GPC5: variants seen among roughly 807,000 people sequenced by gnomAD.
The protein encoded by GPC5 is glypican-5.
Under a neutral mutation model 53.9 loss-of-function variants are expected in GPC5, and 47 were observed. That is an observed-to-expected ratio of 0.87 (90% CI 0.69 to 1.11). The LOEUF is 1.11. Ranked by LOEUF, GPC5 falls within the 50% of genes most tolerant of loss-of-function variation. The pLI is 0.00. For synonymous variants in GPC5, 286 were observed against 263.3 expected, an observed-to-expected ratio of 1.09 and a Z score of -0.84; for missense variants, 748 against 713.1, an observed-to-expected ratio of 1.05 and a Z score of -0.56.
chr13:91,646,349 T>A (rs911555044), intron 2 of GPC5, among the ~76,000 whole-genome samples: 3 of 152,068 alleles, frequency 2.0e-5, no homozygotes, highest in Admixed American at 1.3e-4. Flanking sequence ...TAAGGAAATG[T>A]GTTTTTACTG....
intron 7 of GPC5, among the ~76,000 whole-genome samples, chr13:92,204,410 A>G (rs1360114504): frequency 1.3e-5 from 2 of 152,214 alleles, no homozygotes; most frequent in South Asian, 4.1e-4. Flanking sequence ...ATATTGATTA[A>G]TGTTTGCCAA....
At chr13:92,815,316 C>T (rs1420268486) in intron 7 of GPC5, among the ~76,000 whole-genome samples, 2 of 151,962 alleles carry the variant, frequency 1.3e-5, no homozygotes, top group African/African-American at 4.8e-5. Flanking sequence ...CAATGAAGTT[C>T]CCACTTCATT....
intron 7 of GPC5, among the ~76,000 whole-genome samples, chr13:92,354,378 C>T (rs547942603): frequency 6.6e-6 from 1 of 152,260 alleles, no homozygotes; most frequent in East Asian, 1.9e-4. Flanking sequence ...AGTTTTGCTC[C>T]TTTTCCCATG....
chr13:91,956,382 G>A (rs1488821875), intron 6 of GPC5, among the ~76,000 whole-genome samples: 1 of 151,940 alleles, frequency 6.6e-6, no homozygotes, highest in African/African-American at 2.4e-5. Context: ...ACACCAATAA[G>A]GACCTCTTGG....
intron 7 of GPC5, among the ~76,000 whole-genome samples, chr13:92,737,068 G>A (rs1272403641): frequency 6.6e-6 from 1 of 151,816 alleles, no homozygotes; most frequent in Non-Finnish European, 1.5e-5. Context: ...TACTTCCAAA[G>A]CAATAGTATG....
intron 4 of GPC5, among the ~76,000 whole-genome samples, chr13:91,753,094 G>T (rs2140115740): frequency 6.6e-6 from 1 of 152,292 alleles, no homozygotes; most frequent in Admixed American, 6.5e-5. Context: ...TAAAGCCACT[G>T]CTCTATGATT....
intron 2 of GPC5, among the ~76,000 whole-genome samples, chr13:91,592,893 G>A (rs1350419873): frequency 6.6e-6 from 1 of 152,220 alleles, no homozygotes; most frequent in Admixed American, 6.5e-5. Context: ...AGTCCCATGG[G>A]GAAGTAAGTC....
chr13:92,313,676 C>G (rs180742078), intron 7 of GPC5, among the ~76,000 whole-genome samples: 24 of 152,088 alleles, frequency 1.6e-4, no homozygotes, highest in African/African-American at 5.6e-4. Flanking sequence ...GTTGGATGAG[C>G]CTCCCAACCA....
At chr13:92,365,540 C>T (rs1458535785) in intron 7 of GPC5, among the ~76,000 whole-genome samples, 1 of 151,608 alleles carries the variant, frequency 6.6e-6, no homozygotes, top group African/African-American at 2.4e-5. Context: ...ATTTTTAAAA[C>T]TTTTTGACTC....
chr13:92,288,297 T>C (rs189342140), intron 7 of GPC5, among the ~76,000 whole-genome samples: 1 of 152,334 alleles, frequency 6.6e-6, no homozygotes, highest in African/African-American at 2.4e-5. Flanking sequence ...TTTTTGTGAA[T>C]GAATGTTTCT....
intron 7 of GPC5, among the ~76,000 whole-genome samples, chr13:92,709,077 C>T (rs1412183588): frequency 2.7e-5 from 4 of 149,512 alleles, no homozygotes; most frequent in African/African-American, 7.4e-5. Context: ...GACAGTGTTT[C>T]GCTCTTGTTG....
At chr13:92,182,198 C>G (rs1298183986) in intron 7 of GPC5, among the ~76,000 whole-genome samples, 1 of 152,262 alleles carries the variant, frequency 6.6e-6, no homozygotes, top group South Asian at 2.1e-4. Context: ...AGGTTTACCT[C>G]CCTGATTATT....
intron 6 of GPC5, among the ~76,000 whole-genome samples, chr13:91,930,709 A>T (rs2039813687): frequency 6.6e-6 from 1 of 152,002 alleles, no homozygotes. Context: ...ACCCTTTCCA[A>T]AACCCCAGCA....
intron 7 of GPC5, among the ~76,000 whole-genome samples, chr13:92,228,290 A>G (rs912594907): frequency 6.6e-6 from 1 of 152,118 alleles, no homozygotes; most frequent in African/African-American, 2.4e-5. Context: ...TGAAACCAAT[A>G]CTTATATAAA....
chr13:91,433,015 G>A (rs1879618385), intron 1 of GPC5, among the ~76,000 whole-genome samples: 1 of 152,130 alleles, frequency 6.6e-6, no homozygotes, highest in Non-Finnish European at 1.5e-5. Context: ...TACTGTGGTA[G>A]TCACTTGGAA....
intron 7 of GPC5, among the ~76,000 whole-genome samples, chr13:92,186,218 T>C (rs1439098752): frequency 6.6e-6 from 1 of 151,950 alleles, no homozygotes; most frequent in Non-Finnish European, 1.5e-5. Context: ...TAATTTTTAA[T>C]AATTTTTAAC....
At chr13:91,408,980 T>C (rs1304635904) in intron 1 of GPC5, among the ~76,000 whole-genome samples, 4 of 152,210 alleles carry the variant, frequency 2.6e-5, no homozygotes, top group Non-Finnish European at 4.4e-5. Context: ...ACCAAGAGTG[T>C]GTCTTCATTG....
chr13:92,264,553 C>T (rs149991604), intron 7 of GPC5, among the ~76,000 whole-genome samples: 16 of 152,118 alleles, frequency 1.1e-4, no homozygotes, highest in South Asian at 2.1e-4. Flanking sequence ...TTTGCTTGTA[C>T]GTTTTGTCCA....
At chr13:92,222,100 C>T (rs1390685482) in intron 7 of GPC5, among the ~76,000 whole-genome samples, 1 of 152,132 alleles carries the variant, frequency 6.6e-6, no homozygotes, top group African/African-American at 2.4e-5. Context: ...TGTAGCAGCA[C>T]TTCCTTTGTA....
Sources: allele counts gnomAD v4.1 joint callset (sites outside exome capture counted in the v4.1 genomes callset), GRCh38; gene constraint gnomAD v4.1.1; transcripts MANE v1.5; gene names NCBI Gene and HGNC (gene_info 2026-07-23, HGNC 2026-07-21).